The following PNPT1 variants were observed in gnomAD, a reference collection of about 807,000 sequenced individuals.
PNPT1 encodes polyribonucleotide nucleotidyltransferase 1.
PNPT1 carries 53 observed loss-of-function variants against 119.5 expected under a neutral mutation model. The observed-to-expected ratio is 0.44, with a 90% CI of 0.36 to 0.56. PNPT1 has a LOEUF of 0.56. PNPT1 is among the 20% of genes least tolerant of loss of function. The probability of loss-of-function intolerance (pLI) is 0.00; values close to 1 mark genes in which losing one functional copy is unlikely to be tolerated. For missense variants in PNPT1, 948 were observed against 938.5 expected, an observed-to-expected ratio of 1.01 and a Z score of -0.13; for synonymous variants, 357 against 322.1, an observed-to-expected ratio of 1.11 and a Z score of -1.16.
At chr2:55,677,793 G>A (rs1263917091) in intron 8 of PNPT1, among the ~76,000 whole-genome samples, 3 of 151,806 alleles carry the variant, frequency 2.0e-5, no homozygotes, top group African/African-American at 7.3e-5. Flanking sequence ...AGGCTGGAGT[G>A]CAGTGGTGTG....
chr2:55,668,704 A>G (rs1024233737), intron 11 of PNPT1, among the ~76,000 whole-genome samples: 2 of 152,128 alleles, frequency 1.3e-5, no homozygotes, highest in African/African-American at 2.4e-5. Context: ...GGTTCAAGCA[A>G]TTCTCCTGCC....
intron 3 of PNPT1, among the ~76,000 whole-genome samples, chr2:55,685,680 G>A (rs1697384364): frequency 6.6e-6 from 1 of 151,986 alleles, no homozygotes; most frequent in African/African-American, 2.4e-5. Flanking sequence ...ATAATAGAAG[G>A]GAGCTATAAA....
At chr2:55,667,597 AC>A (rs1357500189) in intron 12 of PNPT1, among the ~76,000 whole-genome samples, 5 of 147,888 alleles carry the variant, frequency 3.4e-5, no homozygotes, top group African/African-American at 5.0e-5. Context: ...AAAAAAAAAA[AC>A]AAAAAACAAA....
intron 26 of PNPT1, 73 bp from the exon 27 acceptor site, chr2:55,637,672 C>T (rs1695716995): frequency 3.1e-6 from 4 of 1,290,350 alleles, no homozygotes; most frequent in Non-Finnish European, 3.3e-6. Flanking sequence ...CACATTTTTT[C>T]CTCAAGCTTT....
At chr2:55,682,630 G>C (rs758492672) in intron 5 of PNPT1, among the ~76,000 whole-genome samples, 1 of 151,922 alleles carries the variant, frequency 6.6e-6, no homozygotes, top group Non-Finnish European at 1.5e-5. Flanking sequence ...TTCAGTGACC[G>C]GGTGTGGTGG....
Position 55,634,461 on chromosome 2 carries a change from C to CTAA in PNPT1, c.*1775_*1776insTTA, listed in dbSNP as rs1392941819. The CTAA allele has an allele frequency of 1.3e-5, 2 of 151,488 alleles. No individual in the cohort carries two copies. The highest frequency in any genetic ancestry group is 3.9e-4 in the East Asian group (2 of 5,160). The allele number at this position is 151,488 out of a possible 1,614,324, so 9.4% of individuals were successfully genotyped here. ...ATTTTTAGTAGAGATGGGGTTTTAC[C>CTAA]GTGTTGGCCAGGCTGGTCTTGAATT... On this transcript the variant is annotated 3_prime_UTR_variant, in exon 28 of 28. Coordinates refer to ENST00000447944, the MANE Select transcript of PNPT1 (RefSeq NM_033109.5).
At position 55,667,899 on chromosome 2, in the gene PNPT1, C is replaced by A; in HGVS notation, c.1036G>T (p.Glu346Ter). The A allele has an allele frequency of 1.9e-6, 3 of 1,584,444 alleles. No homozygotes were observed. The highest frequency in any genetic ancestry group is 2.6e-6 in the Non-Finnish European group (3 of 1,172,406). The change falls in exon 12 of 28, where the codon GAA (glutamate) becomes TAA (stop). Residue 346 changes from glutamate to a stop codon, truncating the protein, a stop_gained. Coordinates refer to ENST00000447944, the MANE Select transcript of PNPT1 (RefSeq NM_033109.5). LOFTEE classifies it high-confidence loss of function. ...IIESFNVVAK[E>*]VFRSIVLNEY... is the part of the protein sequence containing the mutation. ...TTCAAAACAATACTTCTAAAAACTTCCTTTGCAACAACATTGAAGGATTCT... is the reference window on the plus strand; with the variant it reads ...TTCAAAACAATACTTCTAAAAACTTACTTTGCAACAACATTGAAGGATTCT...
chr2:55,681,664 G>A (rs1697252502), intron 5 of PNPT1, among the ~76,000 whole-genome samples: 1 of 151,876 alleles, frequency 6.6e-6, no homozygotes, highest in Non-Finnish European at 1.5e-5. Flanking sequence ...GGCCAACATG[G>A]CAAAACCCTG....
At chr2:55,646,047 C>T (rs1335180200) in intron 21 of PNPT1, among the ~76,000 whole-genome samples, 1 of 152,014 alleles carries the variant, frequency 6.6e-6, no homozygotes, top group Non-Finnish European at 1.5e-5. Flanking sequence ...AGGCTGGTCT[C>T]GAACTCCTGA....
chr2:55,637,643 T>G, intron 26 of PNPT1, 44 bp from the exon 27 acceptor site: 1 of 1,458,498 alleles, frequency 6.9e-7, no homozygotes, highest in Non-Finnish European at 9.6e-7. Context: ...TGCATAATTA[T>G]GTAGTGTCCA....
chr2:55,657,647 A>G (rs537662386), intron 15 of PNPT1, among the ~76,000 whole-genome samples: 119 of 151,716 alleles, frequency 7.8e-4, no homozygotes, highest in African/African-American at 2.5e-3. Context: ...CGGCCTCCCA[A>G]AGTGCTGGGA....
chr2:55,674,600 T>A (rs551297911), intron 8 of PNPT1, among the ~76,000 whole-genome samples: 104 of 152,146 alleles, frequency 6.8e-4, no homozygotes, highest in African/African-American at 2.2e-3. Flanking sequence ...CTCAAAAAAA[T>A]AAATAAATAA....
intron 8 of PNPT1, among the ~76,000 whole-genome samples, chr2:55,678,474 A>G (rs911016724): frequency 1.3e-5 from 2 of 152,214 alleles, no homozygotes; most frequent in African/African-American, 4.8e-5. Flanking sequence ...ATTTCTGGGA[A>G]AGGTGCTTAA....
intron 27 of PNPT1, among the ~76,000 whole-genome samples, chr2:55,637,080 A>T (rs757418675): frequency 4.6e-5 from 7 of 152,192 alleles, no homozygotes; most frequent in Non-Finnish European, 7.3e-5. Context: ...ACTGGCAATG[A>T]CTTCTTTCAT....
chr2:55,637,240 T>C (rs1307384209), intron 27 of PNPT1, among the ~76,000 whole-genome samples: 1 of 152,234 alleles, frequency 6.6e-6, no homozygotes, highest in Non-Finnish European at 1.5e-5. Flanking sequence ...CTTTAACAAG[T>C]TACCTTATCA....
chr2:55,676,186 G>A (rs1490393568), intron 8 of PNPT1, among the ~76,000 whole-genome samples: 1 of 146,814 alleles, frequency 6.8e-6, no homozygotes, highest in South Asian at 2.2e-4. Context: ...CTTGAACCTG[G>A]AGATGGAGGT....
Position 55,647,438 on chromosome 2 carries a change from G to C in PNPT1, c.1511C>G (p.Ser504Cys). 6 of 1,608,220 alleles carry C rather than the reference G, an allele frequency of 3.7e-6. No homozygotes were observed. Among genetic ancestry groups the C allele is most frequent in the Middle Eastern group, 1.7e-4 (1 of 6,036 alleles). The change falls in exon 19 of 28, where the codon TCT becomes TGT. Residue 504 changes from serine to cysteine, a missense_variant. By Grantham distance (112) the Ser-to-Cys change is moderately radical (BLOSUM62 -1). Transcript: ENST00000447944. ...TCCTATTGCTACGCCTGCAACAGCA[G>C]ATGAAATTGGAACCCCTATAATTGG... is the stretch of plus-strand genomic sequence containing the variant. The part of the protein sequence containing the change: ...ALMDSGVPIS[S>C]AVAGVAIGLV...
chr2:55,675,601 G>A (rs1252023995), intron 8 of PNPT1, among the ~76,000 whole-genome samples: 1 of 152,058 alleles, frequency 6.6e-6, no homozygotes, highest in Admixed American at 6.6e-5. Context: ...AGGAGGCTGA[G>A]GACATAGGAT....
chr2:55,654,744 T>C (rs538858464), intron 18 of PNPT1, among the ~76,000 whole-genome samples, 156 bp downstream of exon 18: 3 of 152,112 alleles, frequency 2.0e-5, no homozygotes, highest in East Asian at 1.9e-4. Flanking sequence ...AGCATTTTTT[T>C]TTAATCTTTT....
Sources: allele counts gnomAD v4.1 joint callset (sites outside exome capture counted in the v4.1 genomes callset), GRCh38; gene constraint gnomAD v4.1.1; transcripts MANE v1.5; gene names NCBI Gene and HGNC (gene_info 2026-07-23, HGNC 2026-07-21).